SORCS1: variants seen among roughly 807,000 people sequenced by gnomAD.
The protein encoded by SORCS1 is VPS10 domain-containing receptor SorCS1.
Under a neutral mutation model 146.1 loss-of-function variants are expected in SORCS1, and 60 were observed. The ratio of observed to expected loss-of-function variants is 0.41; its 90% CI spans 0.33 to 0.51. The LOEUF is 0.51. SORCS1 is among the 20% of genes least tolerant of loss of function. The pLI is 0.21. For missense variants in SORCS1, 1,352 were observed against 1,487.6 expected (o/e 0.91, Z 1.50); for synonymous variants, 637 against 584.0 (o/e 1.09, Z -1.31).
intron 2 of SORCS1, among the ~76,000 whole-genome samples, chr10:106,865,179 C>G (rs1023247461): frequency 2.0e-5 from 3 of 149,788 alleles, no homozygotes; most frequent in Non-Finnish European, 3.0e-5. Context: ...GCTTTTTAAG[C>G]GGGTCCCTGA....
chr10:106,987,057 T>C (rs1000227539), intron 1 of SORCS1, among the ~76,000 whole-genome samples: 10 of 152,222 alleles, frequency 6.6e-5, no homozygotes, highest in African/African-American at 2.4e-4. Context: ...ACGGATGATG[T>C]TGCAGGGAAC....
At chr10:106,610,819 CT>C (rs1339158530) in intron 22 of SORCS1, among the ~76,000 whole-genome samples, 1 of 152,070 alleles carries the variant, frequency 6.6e-6, no homozygotes, top group Admixed American at 6.6e-5. Flanking sequence ...TGGCTCACGC[CT>C]GTAATCCCAA....
In SORCS1 at chr10:106,620,424, C is replaced by G; in HGVS notation, c.2796+4G>C. 1.2e-6 allele frequency: 2 copies of G among 1,610,846 alleles called. No homozygotes were observed. The highest frequency in any genetic ancestry group is 8.5e-7 in the Non-Finnish European group (1 of 1,177,954). The stretch of plus-strand genomic sequence containing the variant: ...CCTAGATCGCATGTGGAAGGTGAAC[C>G]CACCTCCGTGTTGTTTCCGTACCAC... On this transcript the variant is annotated splice_donor_region_variant and intron_variant, in intron 20 of 25. Transcript: ENST00000263054.
At chr10:106,760,363 G>T (rs2136242209) in intron 5 of SORCS1, among the ~76,000 whole-genome samples, 1 of 142,954 alleles carries the variant, frequency 7.0e-6, no homozygotes, top group African/African-American at 2.6e-5. Flanking sequence ...AGAATGGCGT[G>T]AACCTGGGAG....
At chr10:107,167,379 A>T (rs1355615396), upstream of SORCS1, among the ~76,000 whole-genome samples, 2 of 152,244 alleles carry the variant, frequency 1.3e-5, no homozygotes, top group Non-Finnish European at 2.9e-5. Context: ...ATAATATAAT[A>T]AGAATGAGTC....
rs886586566 is a variant in SORCS1 at position 106,576,642 on chromosome 10, G to A, written c.*778C>T. The A allele has an allele frequency of 6.6e-6, 1 of 152,246 alleles. No individual in the cohort carries two copies. The highest frequency in any genetic ancestry group is 1.5e-5 in the Non-Finnish European group (1 of 68,108). 9.4% of individuals were successfully genotyped at this position (152,246 alleles called of 1,614,324 possible). On this transcript the variant is annotated 3_prime_UTR_variant, in exon 26 of 26. Transcript: ENST00000263054. ...CTTCCTTATTCTACCGGCACAAAGG[G>A]ATCTTCAACTCGCATCTTTGTTCCT...
intron 17 of SORCS1, among the ~76,000 whole-genome samples, chr10:106,666,678 T>C (rs1851178835): frequency 6.6e-6 from 1 of 151,108 alleles, no homozygotes. Flanking sequence ...TGCCTCAGCC[T>C]CCTGAGTGTC....
At chr10:106,632,977 CCCTG>C (rs989471365) in intron 18 of SORCS1, among the ~76,000 whole-genome samples, 6 of 151,826 alleles carry the variant, frequency 4.0e-5, no homozygotes, top group African/African-American at 1.5e-4. Flanking sequence ...TGTGCAAAGG[CCCTG>C]TGGTAGAGGG....
At chr10:107,138,763 A>G (rs888690482) in intron 1 of SORCS1, among the ~76,000 whole-genome samples, 25 of 152,248 alleles carry the variant, frequency 1.6e-4, no homozygotes, top group African/African-American at 5.8e-4. Flanking sequence ...ACATATTTTG[A>G]GGAAAAAAAT....
chr10:107,159,511 T>A (rs1009708995), intron 1 of SORCS1, among the ~76,000 whole-genome samples: 3 of 152,116 alleles, frequency 2.0e-5, no homozygotes, highest in Admixed American at 6.5e-5. Context: ...GTAAGTAGCA[T>A]TTATTGAGCA....
At chr10:106,768,766 C>T (rs1200322261) in intron 4 of SORCS1, among the ~76,000 whole-genome samples, 1 of 152,198 alleles carries the variant, frequency 6.6e-6, no homozygotes, top group Non-Finnish European at 1.5e-5. Flanking sequence ...TTGTCTAATT[C>T]CAGCTGCACC....
At chr10:106,943,310 G>A (rs1005688712) in intron 2 of SORCS1, among the ~76,000 whole-genome samples, 1 of 152,060 alleles carries the variant, frequency 6.6e-6, no homozygotes, top group Non-Finnish European at 1.5e-5. Flanking sequence ...TAGGAACTGG[G>A]GATCTCCTCA....
chr10:106,794,928 C>T (rs1946480378), intron 3 of SORCS1, among the ~76,000 whole-genome samples: 1 of 152,190 alleles, frequency 6.6e-6, no homozygotes, highest in Admixed American at 6.5e-5. Flanking sequence ...GAGCTAAGAT[C>T]ATAAACTTAA....
intron 1 of SORCS1, 106 bp from the exon 2 acceptor site, chr10:106,956,686 T>C: frequency 5.6e-6 from 5 of 896,714 alleles, no homozygotes; most frequent in South Asian, 3.2e-5. Flanking sequence ...TCACTTAACA[T>C]AATTGAATGA....
intron 1 of SORCS1, among the ~76,000 whole-genome samples, chr10:106,997,435 T>C (rs1957044847): frequency 6.6e-6 from 1 of 152,228 alleles, no homozygotes; most frequent in Non-Finnish European, 1.5e-5. Flanking sequence ...TGACAACATC[T>C]GGACTATACT....
intron 2 of SORCS1, among the ~76,000 whole-genome samples, chr10:106,876,092 C>G (rs1950578919): frequency 6.6e-6 from 1 of 151,984 alleles, no homozygotes. Flanking sequence ...TCAATTTAAG[C>G]TCTTCTTCAG....
At chr10:107,057,625 C>T (rs1006346890) in intron 1 of SORCS1, among the ~76,000 whole-genome samples, 3 of 152,198 alleles carry the variant, frequency 2.0e-5, no homozygotes, top group Non-Finnish European at 4.4e-5. Flanking sequence ...CCTTTTCTCT[C>T]CCTCTTTCCT....
intron 18 of SORCS1, among the ~76,000 whole-genome samples, chr10:106,641,512 T>G (rs917856731): frequency 6.6e-6 from 1 of 152,308 alleles, no homozygotes; most frequent in African/African-American, 2.4e-5. Context: ...AGGAAAGGAT[T>G]AAGGAAGAGA....
chr10:106,809,482 G>A (rs148870600), intron 3 of SORCS1, among the ~76,000 whole-genome samples: 10 of 152,024 alleles, frequency 6.6e-5, no homozygotes, highest in South Asian at 2.1e-4. Context: ...CACTCATCAC[G>A]GCAGGATCTT....
Sources: gnomAD v4.1 joint callset for allele counts (sites outside exome capture counted in the v4.1 genomes callset) on GRCh38, gnomAD v4.1.1 for gene constraint, MANE v1.5 for transcripts, NCBI Gene and HGNC (gene_info 2026-07-23, HGNC 2026-07-21) for gene names.